TSHZ3: variants seen among roughly 807,000 people sequenced by gnomAD.
TSHZ3 encodes teashirt zinc finger homeobox 3.
A neutral mutation model predicts 64.5 loss-of-function variants in TSHZ3; 10 were observed. The ratio of observed to expected loss-of-function variants is 0.16; its 90% CI spans 0.10 to 0.26. The LOEUF (loss-of-function observed/expected upper bound fraction) is 0.26. Ranked by LOEUF, TSHZ3 falls within the 10% of genes least tolerant of loss-of-function variation. The pLI is 1.00. For synonymous variants in TSHZ3, 608 were observed against 593.1 expected (o/e 1.03, Z -0.36); for missense variants, 1,242 against 1,421.7 (o/e 0.87, Z 2.03).
intron 1 of TSHZ3, among the ~76,000 whole-genome samples, chr19:31,320,101 A>C (rs890622298): frequency 6.6e-6 from 1 of 152,226 alleles, no homozygotes; most frequent in Non-Finnish European, 1.5e-5. Context: ...TCTATACAGA[A>C]ACAGATGAAA....
At chr19:31,180,686 C>T (rs971516846) in intron 5 of TSHZ3, among the ~76,000 whole-genome samples, 5 of 152,174 alleles carry the variant, frequency 3.3e-5, no homozygotes, top group African/African-American at 9.7e-5. Context: ...AACATATTGA[C>T]GGGCATGTCA....
chr19:31,237,152 A>C (rs1415306249), intron 3 of TSHZ3, among the ~76,000 whole-genome samples: 2 of 152,192 alleles, frequency 1.3e-5, no homozygotes, highest in Non-Finnish European at 2.9e-5. Context: ...CGTCTAAGAA[A>C]AAACAAACAA....
chr19:31,191,070 C>T (rs192324782), intron 5 of TSHZ3, among the ~76,000 whole-genome samples: 34 of 152,108 alleles, frequency 2.2e-4, no homozygotes, highest in African/African-American at 7.7e-4. Flanking sequence ...GTAATTCAAT[C>T]AAATGGTTTA....
At chr19:31,180,181 G>C (rs747845324) in intron 5 of TSHZ3, among the ~76,000 whole-genome samples, 2 of 152,122 alleles carry the variant, frequency 1.3e-5, no homozygotes, top group Non-Finnish European at 2.9e-5. Context: ...GCAGTGTCTA[G>C]CAGGGTATCT....
chr19:31,322,842 CTAAT>C lies in TSHZ3; in HGVS notation c.40+26334_40+26337del, dbSNP rs1916813338. ...CGAATGAATGACTGAATAAATGAAACTAATTATTTAGTTACCTTCTTCCCAGCCA... is the reference window on the plus strand; with the variant it reads ...CGAATGAATGACTGAATAAATGAAACTATTTAGTTACCTTCTTCCCAGCCA... On this transcript the variant is annotated intron_variant, in intron 1 of 1. Coordinates refer to ENST00000240587, the MANE Select transcript of TSHZ3 (RefSeq NM_020856.4). 2.0e-5 allele frequency among the ~76,000 whole-genome samples: 3 copies of C among 152,242 alleles called. No homozygotes were observed. The East Asian group carries it at 5.8e-4, about 29-fold the overall frequency.
rs201390565 is a variant in TSHZ3 at position 31,279,621 on chromosome 19, T to C, written c.172A>G (p.Ser58Gly). ...PEKELARACPSYQNSPAAEFS... is the reference protein window; with the variant it reads ...PEKELARACPGYQNSPAAEFS... The stretch of plus-strand genomic sequence containing the variant: ...TCGGCGGCCGGGGAGTTCTGGTAGC[T>C]GGGGCAGGCCCTGGCGAGCTCCTTC... Residue 58 changes from serine to glycine, a missense_variant, in exon 2 of 2, where the codon AGC becomes GGC. Ser to Gly is a moderately conservative substitution (Grantham distance 56, BLOSUM62 0). Transcript: ENST00000240587. The surrounding 1 kb of genome is among the most constrained non-coding windows in gnomAD (Gnocchi z 6.4). 1,408 of 1,612,114 alleles carry C rather than the reference T, an allele frequency of 8.7e-4. 5 individuals are homozygous for C. The highest frequency in any genetic ancestry group is 8.4e-4 in the Non-Finnish European group (989 of 1,178,874).
Position 31,275,454 on chromosome 19 carries a change from T to C in TSHZ3, c.*1093A>G, listed in dbSNP as rs1178399705. ...CTTTTTTTTTTTTTGTTCTTTTTTT[T>C]AACCTTTTCAAATAGACTTAACCCT... is the stretch of plus-strand genomic sequence containing the variant. On this transcript the variant is annotated 3_prime_UTR_variant, in exon 2 of 2. Coordinates refer to ENST00000240587, the MANE Select transcript of TSHZ3 (RefSeq NM_020856.4). The C allele has an allele frequency of 1.3e-5, 2 of 152,500 alleles. No homozygotes were observed. Among genetic ancestry groups the C allele is most frequent in the South Asian group, 2.1e-4 (1 of 4,820 alleles). 9.4% of individuals were successfully genotyped at this position (152,500 alleles called of 1,614,324 possible).
chr19:31,229,999 C>A (rs1975517725), intron 3 of TSHZ3, among the ~76,000 whole-genome samples: 1 of 152,120 alleles, frequency 6.6e-6, no homozygotes, highest in Non-Finnish European at 1.5e-5. Flanking sequence ...TGGCAAAATT[C>A]TTTAAAATAT....
At chr19:31,202,312 C>T (rs529680954) in intron 5 of TSHZ3, among the ~76,000 whole-genome samples, 2 of 152,084 alleles carry the variant, frequency 1.3e-5, no homozygotes, top group African/African-American at 2.4e-5. Context: ...TGTAATTTCC[C>T]AGGAAATACA....
intron 1 of TSHZ3, among the ~76,000 whole-genome samples, chr19:31,248,115 G>A (rs145356417): frequency 0.013 from 1,973 of 152,100 alleles, 48 homozygotes; most frequent in African/African-American, 0.045. Context: ...TCACTACCAC[G>A]AGAACAGTAT....
At chr19:31,195,854 A>G (rs1050582928) in intron 5 of TSHZ3, among the ~76,000 whole-genome samples, 2 of 152,022 alleles carry the variant, frequency 1.3e-5, no homozygotes, top group African/African-American at 4.8e-5. Context: ...CAATATAGTT[A>G]TGTGTCTCTT....
At position 31,278,856 on chromosome 19, in the gene TSHZ3, C is replaced by G; in HGVS notation, c.937G>C (p.Ala313Pro). The change falls in exon 2 of 2, where the codon GCC (alanine) becomes CCC (proline). Residue 313 changes from alanine to proline, a missense_variant. By Grantham distance (27) the Ala-to-Pro change is conservative (BLOSUM62 -1). Transcript: ENST00000240587. This position sits in a 1 kb window ranked among gnomAD's most constrained non-coding sequence, Gnocchi z 4.7. ...CGAGTGGCAGGGATGATTTTGGCGGCGACAGGAGTGACGGGTTCCTTCAGA... is the reference window on the plus strand; with the variant it reads ...CGAGTGGCAGGGATGATTTTGGCGGGGACAGGAGTGACGGGTTCCTTCAGA... Reference protein sequence around the residue: ...VPLKEPVTPVAAKIIPATRKK... With the variant: ...VPLKEPVTPVPAKIIPATRKK... 1.2e-6 allele frequency: 2 copies of G among 1,614,062 alleles called. No individual in the cohort carries two copies. The highest frequency in any genetic ancestry group is 2.2e-5 in the South Asian group (2 of 91,078).
chr19:31,208,422 G>T (rs1193488570), intron 4 of TSHZ3, among the ~76,000 whole-genome samples: 2 of 152,164 alleles, frequency 1.3e-5, no homozygotes, highest in African/African-American at 2.4e-5. Flanking sequence ...CTGTCTGTTG[G>T]CAAGAAGGGC....
At chr19:31,166,373 C>T (rs888607141) in intron 5 of TSHZ3, among the ~76,000 whole-genome samples, 1 of 152,178 alleles carries the variant, frequency 6.6e-6, no homozygotes, top group Non-Finnish European at 1.5e-5. Flanking sequence ...TTCCATGTGA[C>T]AGGGCAGGGA....
intron 5 of TSHZ3, among the ~76,000 whole-genome samples, chr19:31,168,681 T>C (rs191970587): frequency 1.3e-5 from 2 of 152,328 alleles, no homozygotes; most frequent in East Asian, 3.9e-4. Context: ...TGCAAGAGCC[T>C]AGATTTTGAC....
At chr19:31,291,931 A>G (rs1226806727) in intron 1 of TSHZ3, among the ~76,000 whole-genome samples, 2 of 152,212 alleles carry the variant, frequency 1.3e-5, no homozygotes, top group African/African-American at 4.8e-5. Context: ...GCGACGGTCT[A>G]TACAGTGAAA....
At chr19:31,230,429 A>C (rs1403169898) in intron 3 of TSHZ3, among the ~76,000 whole-genome samples, 1 of 152,160 alleles carries the variant, frequency 6.6e-6, no homozygotes, top group African/African-American at 2.4e-5. Flanking sequence ...TATTCCTCAA[A>C]TATTCTGCAA....
At chr19:31,192,864 A>T (rs949692021) in intron 5 of TSHZ3, among the ~76,000 whole-genome samples, 1 of 152,220 alleles carries the variant, frequency 6.6e-6, no homozygotes, top group African/African-American at 2.4e-5. Context: ...AGTTTTTAGG[A>T]TGACTCCTTT....
intron 5 of TSHZ3, among the ~76,000 whole-genome samples, chr19:31,194,498 G>A (rs577300538): frequency 2.0e-5 from 3 of 152,288 alleles, no homozygotes; most frequent in African/African-American, 7.2e-5. Context: ...TGGCAGTGGG[G>A]TGGGGAGATT....
Sources: gnomAD v4.1 joint callset for allele counts (sites outside exome capture counted in the v4.1 genomes callset) on GRCh38, gnomAD v4.1.1 for gene constraint, Gnocchi (gnomAD v3.1) non-coding constraint, MANE v1.5 for transcripts, NCBI Gene and HGNC (gene_info 2026-07-23, HGNC 2026-07-21) for gene names.